The following SBSPON variants were observed in gnomAD, a reference collection of about 807,000 sequenced individuals.
SBSPON encodes the protein somatomedin B and thrombospondin type 1 domain containing.
SBSPON carries 30 observed loss-of-function variants against 35.8 expected under a neutral mutation model. That is an observed-to-expected ratio of 0.84 (90% CI 0.63 to 1.14). The LOEUF (loss-of-function observed/expected upper bound fraction) is 1.14. SBSPON is among the 50% of genes most tolerant of loss of function. The pLI, the probability that SBSPON is intolerant of heterozygous loss-of-function variation, is 0.00. For synonymous variants in SBSPON, 136 were observed against 135.9 expected, an observed-to-expected ratio of 1.00 and a Z score of 0.00; for missense variants, 364 against 357.7, an observed-to-expected ratio of 1.02 and a Z score of -0.14.
chr8:73,086,923 T>C (rs1810838478), intron 1 of SBSPON, among the ~76,000 whole-genome samples: 1 of 152,232 alleles, frequency 6.6e-6, no homozygotes, highest in African/African-American at 2.4e-5. Context: ...AATGTGGCTC[T>C]ACCCTGGATG....
chr8:73,077,201 C>T (rs1410535526), intron 2 of SBSPON, among the ~76,000 whole-genome samples: 6 of 152,208 alleles, frequency 3.9e-5, no homozygotes, highest in Non-Finnish European at 7.3e-5. Flanking sequence ...CCAGCACACC[C>T]GGCCTAATCT....
In SBSPON at chr8:73,093,138, C is replaced by G. The variant is rs1810971030; in HGVS notation, c.-71G>C. On this transcript the variant is annotated 5_prime_UTR_variant, in exon 1 of 5. Transcript: ENST00000297354. ...AAGCGCTCTGATCCTCGGCTGGCCG[C>G]GGCCCGGGAGCTGCCCGAGCGGCCG... is the stretch of plus-strand genomic sequence containing the variant. 1.2e-6 allele frequency: 1 copy of G among 862,502 alleles called. No homozygotes were observed. The highest frequency in any genetic ancestry group is 1.8e-5 in the African/African-American group (1 of 55,492). The allele number at this position is 862,502 out of a possible 1,614,324, so 53.4% of individuals were successfully genotyped here.
At chr8:73,086,268 C>T (rs2130035304) in intron 1 of SBSPON, among the ~76,000 whole-genome samples, 1 of 152,066 alleles carries the variant, frequency 6.6e-6, no homozygotes, top group South Asian at 2.1e-4. Context: ...TCAAGAGATT[C>T]TCATGCTTCA....
At chr8:73,073,415 T>G (rs1183252101) in intron 2 of SBSPON, among the ~76,000 whole-genome samples, 1 of 152,262 alleles carries the variant, frequency 6.6e-6, no homozygotes, top group African/African-American at 2.4e-5. Flanking sequence ...GAAGCCTACA[T>G]GTTGATTTTA....
chr8:73,067,359 G>A lies in SBSPON; in HGVS notation c.777C>T (p.His259=). 1 of 1,590,528 alleles carries A rather than the reference G, an allele frequency of 6.3e-7. No homozygotes were observed. The highest frequency in any genetic ancestry group is 8.6e-7 in the Non-Finnish European group (1 of 1,159,202). The part of the protein sequence containing the change: ...RVDQCSCPAV[H]SFIFI ...TCACCATCTATATAAAAATAAAACT[G>A]TGAACAGCTGGACAAGAACACTGGT... Residue 259 remains histidine, a synonymous_variant, in exon 5 of 5, where the codon CAC becomes CAT. Coordinates refer to ENST00000297354, the MANE Select transcript of SBSPON (RefSeq NM_153225.4).
At chr8:73,087,401 C>T (rs1235106968) in intron 1 of SBSPON, among the ~76,000 whole-genome samples, 2 of 152,074 alleles carry the variant, frequency 1.3e-5, no homozygotes, top group East Asian at 1.9e-4. Context: ...TGGGAGAGCG[C>T]CTGGTATGGA....
chr8:73,078,453 C>T (rs1489301557), intron 2 of SBSPON, among the ~76,000 whole-genome samples: 1 of 152,160 alleles, frequency 6.6e-6, no homozygotes, highest in Admixed American at 6.5e-5. Context: ...CTGTTCAGTA[C>T]AGATATGTTA....
intron 3 of SBSPON, among the ~76,000 whole-genome samples, chr8:73,070,893 T>C (rs1196994824): frequency 6.6e-6 from 1 of 152,242 alleles, no homozygotes; most frequent in Non-Finnish European, 1.5e-5. Flanking sequence ...TTTAAAGATC[T>C]TTAAGAATGA....
intron 1 of SBSPON, among the ~76,000 whole-genome samples, chr8:73,091,254 G>C (rs551230417): frequency 6.6e-6 from 1 of 152,184 alleles, no homozygotes; most frequent in African/African-American, 2.4e-5. Flanking sequence ...GCCCAGGCTC[G>C]CCCATTACTT....
chr8:73,092,776 C>T, intron 1 of SBSPON, 78 bp downstream of exon 1: 1 of 1,155,054 alleles, frequency 8.7e-7, no homozygotes, highest in Non-Finnish European at 1.3e-6. Context: ...GGACTGAGGT[C>T]CTTGGCACAG....
chr8:73,081,316 G>A (rs1810699878), intron 1 of SBSPON, 103 bp from the exon 2 acceptor site: 1 of 1,020,982 alleles, frequency 9.8e-7, no homozygotes. Flanking sequence ...TGTAAACTTT[G>A]CCTGGCCCCA....
chr8:73,069,783 T>C (rs759136383), intron 4 of SBSPON, 22 bp downstream of exon 4: 1 of 1,600,108 alleles, frequency 6.2e-7, no homozygotes, highest in Non-Finnish European at 8.6e-7. Context: ...AGAAAAGTAC[T>C]TCAGTTAATT....
Position 73,093,001 on chromosome 8 carries a change from C to A in SBSPON, c.67G>T (p.Ala23Ser), listed in dbSNP as rs778668432. 2.0e-6 allele frequency: 3 copies of A among 1,499,500 alleles called. No individual in the cohort carries two copies. Among genetic ancestry groups the A allele is most frequent in the South Asian group, 2.6e-5 (2 of 77,678 alleles). 92.9% of individuals were successfully genotyped at this position (1,499,500 alleles called of 1,614,324 possible). A position where few individuals can be genotyped will look rare whatever the true frequency, so the allele number is the denominator to read the frequency against. ...RLWPGAQAGC[A>S]EAGRCCPGRD... ...CCGGGACAGCAGCGCCCGGCCTCGG[C>A]GCAGCCGGCCTGGGCCCCGGGCCAC... The change falls in exon 1 of 5, where the codon GCC becomes TCC. Residue 23 changes from alanine to serine, a missense_variant. By Grantham distance (99) the Ala-to-Ser change is moderately conservative. Transcript: ENST00000297354.
At chr8:73,076,816 CTG>C (rs1810602835) in intron 2 of SBSPON, among the ~76,000 whole-genome samples, 1 of 152,130 alleles carries the variant, frequency 6.6e-6, no homozygotes, top group African/African-American at 2.4e-5. Flanking sequence ...CCAGAAAGGC[CTG>C]TAGCCCAGCT....
At chr8:73,082,267 A>G (rs1445350657) in intron 1 of SBSPON, among the ~76,000 whole-genome samples, 1 of 152,262 alleles carries the variant, frequency 6.6e-6, no homozygotes, top group Non-Finnish European at 1.5e-5. Context: ...AAAATTAAAT[A>G]TAAGGAAAGA....
At chr8:73,073,231 C>T (rs1368021449) in intron 2 of SBSPON, among the ~76,000 whole-genome samples, 1 of 152,224 alleles carries the variant, frequency 6.6e-6, no homozygotes, top group African/African-American at 2.4e-5. Context: ...TGCAGTCTTC[C>T]GTTCCTATAC....
At chr8:73,092,796 C>G in intron 1 of SBSPON, 58 bp downstream of exon 1, 1 of 1,399,722 alleles carries the variant, frequency 7.1e-7, no homozygotes. Context: ...GCGCCCTGCC[C>G]TGTGCCCGTT....
At chr8:73,075,313 C>T (rs774926153) in intron 2 of SBSPON, among the ~76,000 whole-genome samples, 9 of 152,224 alleles carry the variant, frequency 5.9e-5, no homozygotes, top group Non-Finnish European at 1.2e-4. Flanking sequence ...CAAGGTCCCT[C>T]TCACATGAGC....
At chr8:73,092,825 G>A in intron 1 of SBSPON, 29 bp downstream of exon 1, 5 of 1,576,116 alleles carry the variant, frequency 3.2e-6, no homozygotes, top group Non-Finnish European at 4.3e-6. Context: ...GCTAACGGCC[G>A]GCGCCCCACT....
Sources: allele counts gnomAD v4.1 joint callset (sites outside exome capture counted in the v4.1 genomes callset), GRCh38; gene constraint gnomAD v4.1.1; transcripts MANE v1.5; gene names NCBI Gene and HGNC (gene_info 2026-07-23, HGNC 2026-07-21).